Variants in CDC42 observed in about 807,000 individuals in gnomAD.
CDC42 encodes the protein cell division cycle 42.
A neutral mutation model predicts 20.8 loss-of-function variants in CDC42; 1 was observed. That is an observed-to-expected ratio of 0.05 (90% CI 0.02 to 0.23). CDC42 has a LOEUF of 0.23. CDC42 is among the 10% of genes least tolerant of loss of function. CDC42 has a pLI of 1.00. For synonymous variants in CDC42, 72 were observed against 84.8 expected, an observed-to-expected ratio of 0.85 and a Z score of 0.83; for missense variants, 49 against 227.9, an observed-to-expected ratio of 0.21 and a Z score of 5.05.
At chr1:22,069,504 C>G (rs947057597) in intron 1 of CDC42, among the ~76,000 whole-genome samples, 4 of 152,054 alleles carry the variant, frequency 2.6e-5, no homozygotes, top group African/African-American at 9.7e-5. Flanking sequence ...CTTACCCAGG[C>G]TGGAGTGCAG....
At chr1:22,088,516 G>C (rs1361644197) in intron 5 of CDC42, among the ~76,000 whole-genome samples, 6 of 152,166 alleles carry the variant, frequency 3.9e-5, no homozygotes, top group Non-Finnish European at 8.8e-5. Context: ...TAGAAAATGG[G>C]GTCTGTGGTT....
At chr1:22,081,859 G>T in intron 3 of CDC42, 65 bp downstream of exon 3, 3 of 1,064,186 alleles carry the variant, frequency 2.8e-6, no homozygotes, top group Non-Finnish European at 4.3e-6. Flanking sequence ...TGTCTCTTGT[G>T]GACATTTTGA....
intron 1 of CDC42, among the ~76,000 whole-genome samples, chr1:22,075,395 G>C (rs1160563332): frequency 6.6e-6 from 1 of 152,114 alleles, no homozygotes; most frequent in Non-Finnish European, 1.5e-5. Flanking sequence ...ATTGATTCCA[G>C]AACTCTCCAA....
chr1:22,058,131 C>T (rs1645324060), intron 1 of CDC42, among the ~76,000 whole-genome samples: 1 of 152,184 alleles, frequency 6.6e-6, no homozygotes. Flanking sequence ...ATAAGTGTCA[C>T]CTGGGAGCTC....
At chr1:22,069,679 C>T (rs1309619446) in intron 1 of CDC42, among the ~76,000 whole-genome samples, 4 of 138,398 alleles carry the variant, frequency 2.9e-5, no homozygotes, top group African/African-American at 1.1e-4. Flanking sequence ...GTTGCCCAAG[C>T]TGGTCTTGAT....
intron 5 of CDC42, chr1:22,089,817 G>T: frequency 1.1e-6 from 1 of 888,322 alleles, no homozygotes; most frequent in East Asian, 2.7e-5. Flanking sequence ...TAGCATTCTA[G>T]CGTTTTTCTT....
chr1:22,057,434 G>T (rs1412914821), intron 1 of CDC42, among the ~76,000 whole-genome samples: 1 of 152,204 alleles, frequency 6.6e-6, no homozygotes, highest in Non-Finnish European at 1.5e-5. Context: ...GCCCAGGCTG[G>T]AGTGCAATGG....
intron 1 of CDC42, among the ~76,000 whole-genome samples, chr1:22,066,367 C>T (rs1645423646): frequency 6.6e-6 from 1 of 151,162 alleles, no homozygotes; most frequent in South Asian, 2.1e-4. Context: ...AGAGTGATAC[C>T]CTGTCTCCAA....
rs1645747682 is a variant in CDC42 at position 22,095,159 on chromosome 1, TTA to T, written c.*3644_*3645del. Among the ~76,000 whole-genome samples the T allele has an allele frequency of 6.6e-6, 1 of 152,210 alleles. No homozygotes were observed. The highest frequency in any genetic ancestry group is 2.4e-5 in the African/African-American group (1 of 41,446). On this transcript the variant is annotated 3_prime_UTR_variant, in exon 6 of 6. Coordinates refer to ENST00000656825, the MANE Select transcript of CDC42 (RefSeq NM_001791.4). ...GAATGATTATTGGAGGGAAGTGGCT[TTA>T]TGTCACACTTGTTTTCTGTAAGTCT...
chr1:22,063,778 T>C (rs999254345), intron 1 of CDC42, among the ~76,000 whole-genome samples: 2 of 152,188 alleles, frequency 1.3e-5, no homozygotes, highest in Non-Finnish European at 1.5e-5. Flanking sequence ...TGGAATGCAG[T>C]GATGCCATCA....
intron 2 of CDC42, among the ~76,000 whole-genome samples, chr1:22,080,634 A>G (rs1050102995): frequency 6.6e-6 from 1 of 152,208 alleles, no homozygotes; most frequent in Admixed American, 6.6e-5. Flanking sequence ...TTATAGTTGT[A>G]TATGAAAGCA....
intron 1 of CDC42, among the ~76,000 whole-genome samples, chr1:22,062,951 C>T (rs528856742): frequency 2.8e-4 from 42 of 152,136 alleles, no homozygotes; most frequent in Admixed American, 8.5e-4. Context: ...ACCCTAGTTT[C>T]TTAGCTGACT....
intron 5 of CDC42, chr1:22,090,048 CCTT>C: frequency 6.2e-7 from 1 of 1,612,958 alleles, no homozygotes. Flanking sequence ...TTTCTCCTTC[CCTT>C]CTTTGCTGCT....
At chr1:22,063,913 T>C (rs16826339) in intron 1 of CDC42, 61 of 152,120 alleles carry the variant, frequency 4.0e-4, no homozygotes, top group African/African-American at 1.4e-3. Context: ...AGAGATGGGG[T>C]TTTGCCATGT....
rs1474315006 is a variant in CDC42 at position 22,093,988 on chromosome 1, G to A, written c.*2471G>A. ...CAGAAGAACAAGGATGATGGGGATT[G>A]ATTGAAGCTAATGTTTTCTTAAATA... On this transcript the variant is annotated 3_prime_UTR_variant, in exon 6 of 6. Coordinates refer to ENST00000656825, the MANE Select transcript of CDC42 (RefSeq NM_001791.4). Among the ~76,000 whole-genome samples the A allele has an allele frequency of 6.6e-6, 1 of 152,218 alleles. No homozygotes were observed. The highest frequency in any genetic ancestry group is 6.5e-5 in the Admixed American group (1 of 15,288).
intron 3 of CDC42, among the ~76,000 whole-genome samples, chr1:22,082,254 A>G (rs559338461): frequency 6.6e-6 from 1 of 151,840 alleles, no homozygotes; most frequent in African/African-American, 2.4e-5. Flanking sequence ...TACAGTATTT[A>G]TTATTATTAC....
chr1:22,075,045 G>A (rs10917139), intron 1 of CDC42, among the ~76,000 whole-genome samples: 18,850 of 152,194 alleles, frequency 0.12, 1,292 homozygotes, highest in Admixed American at 0.18. Flanking sequence ...AAGATTGAAA[G>A]TGGCCTGTTT....
chr1:22,053,250 T>G (rs1645256845), intron 1 of CDC42: 1 of 149,340 alleles, frequency 6.7e-6, no homozygotes, highest in Non-Finnish European at 1.5e-5. Flanking sequence ...GCCGCGGACA[T>G]TTTGCGGCGG....
rs555104725 is a variant in CDC42, at chr1:22,075,932, A to C, written c.-50-2497A>C. Among the ~76,000 whole-genome samples the C allele has an allele frequency of 2.0e-5, 3 of 152,344 alleles. No individual in the cohort carries two copies. In the South Asian group the frequency reaches 6.2e-4, roughly 32 times the overall value. On this transcript the variant is annotated intron_variant, in intron 1 of 5. Transcript: ENST00000656825. ...TTGTGGGTAAATAGAAAGGGGAAGA[A>C]CAAACTCTTATCTTACTCCCTTCTC...
Sources: allele counts gnomAD v4.1 joint callset (sites outside exome capture counted in the v4.1 genomes callset), GRCh38; gene constraint gnomAD v4.1.1; transcripts MANE v1.5; gene names NCBI Gene and HGNC (gene_info 2026-07-23, HGNC 2026-07-21).